SLC2A13: variants seen among roughly 807,000 people sequenced by gnomAD.
SLC2A13 encodes solute carrier family 2 member 13.
A neutral mutation model predicts 64.4 loss-of-function variants in SLC2A13; 32 were observed. The ratio of observed to expected loss-of-function variants is 0.50; its 90% CI spans 0.37 to 0.67. SLC2A13 has a LOEUF of 0.67. Ranked by LOEUF, SLC2A13 falls within the 30% of genes least tolerant of loss-of-function variation. The pLI is 0.00. For missense variants in SLC2A13, 743 were observed against 829.2 expected, an observed-to-expected ratio of 0.90 and a Z score of 1.28; for synonymous variants, 338 against 327.1, an observed-to-expected ratio of 1.03 and a Z score of -0.36.
intron 5 of SLC2A13, among the ~76,000 whole-genome samples, chr12:39,868,534 G>A (rs1374140475): frequency 6.6e-6 from 1 of 152,156 alleles, no homozygotes; most frequent in Non-Finnish European, 1.5e-5. Context: ...TAGTTTAGTA[G>A]ATCTGGGTTA....
chr12:40,068,455 C>T (rs1937822447), intron 1 of SLC2A13: 1 of 244,332 alleles, frequency 4.1e-6, no homozygotes, highest in Non-Finnish European at 8.3e-6. Context: ...GTGAGGATGA[C>T]CAATTTTGCT....
At chr12:39,901,815 C>T (rs1232174110) in intron 4 of SLC2A13, among the ~76,000 whole-genome samples, 9 of 141,344 alleles carry the variant, frequency 6.4e-5, no homozygotes, top group Middle Eastern at 3.5e-3. Flanking sequence ...CTAGAAATAC[C>T]ATTTGACCCA....
At chr12:40,085,280 C>A (rs995198562) in intron 1 of SLC2A13, among the ~76,000 whole-genome samples, 5 of 152,164 alleles carry the variant, frequency 3.3e-5, no homozygotes, top group Admixed American at 6.5e-5. Context: ...CTGTGAACCA[C>A]CCTAGAAAAT....
chr12:39,841,168 A>G (rs998667980), intron 6 of SLC2A13, among the ~76,000 whole-genome samples: 1 of 152,172 alleles, frequency 6.6e-6, no homozygotes, highest in Admixed American at 6.6e-5. Flanking sequence ...AGTGAGGTCT[A>G]CTGTTTAAAA....
intron 3 of SLC2A13, among the ~76,000 whole-genome samples, chr12:39,962,588 GGACA>G (rs1946434175): frequency 6.6e-6 from 1 of 152,180 alleles, no homozygotes; most frequent in Non-Finnish European, 1.5e-5. Context: ...TTAAATGAAA[GGACA>G]GACACACTTG....
intron 6 of SLC2A13, among the ~76,000 whole-genome samples, chr12:39,851,841 CCT>C (rs1350998842): frequency 6.6e-6 from 1 of 152,056 alleles, no homozygotes; most frequent in African/African-American, 2.4e-5. Context: ...CATCTATTTC[CCT>C]GTGTCAAGAA....
At chr12:40,036,915 T>C (rs1947996877) in intron 2 of SLC2A13, among the ~76,000 whole-genome samples, 1 of 152,226 alleles carries the variant, frequency 6.6e-6, no homozygotes, top group South Asian at 2.1e-4. Flanking sequence ...GTGGATGTCA[T>C]CTTCTACTCT....
At chr12:39,852,163 G>A (rs1943486708) in intron 6 of SLC2A13, among the ~76,000 whole-genome samples, 1 of 152,134 alleles carries the variant, frequency 6.6e-6, no homozygotes, top group South Asian at 2.1e-4. Context: ...TAACTAGCAT[G>A]GTAAATAACA....
chr12:39,880,328 C>A (rs1301111494), intron 4 of SLC2A13, among the ~76,000 whole-genome samples: 1 of 152,136 alleles, frequency 6.6e-6, no homozygotes, highest in Non-Finnish European at 1.5e-5. Context: ...ACTCAAGATA[C>A]AAACATCTTA....
At chr12:39,922,916 C>T (rs1322919385) in intron 4 of SLC2A13, among the ~76,000 whole-genome samples, 2 of 152,166 alleles carry the variant, frequency 1.3e-5, no homozygotes, top group Non-Finnish European at 2.9e-5. Flanking sequence ...AATACTGCCT[C>T]TATTTTAAAT....
At chr12:39,952,218 G>C (rs1003929641) in intron 3 of SLC2A13, among the ~76,000 whole-genome samples, 1 of 152,110 alleles carries the variant, frequency 6.6e-6, no homozygotes, top group African/African-American at 2.4e-5. Context: ...AGCCTCATAA[G>C]TGTTTCAGTT....
chr12:39,821,468 A>G (rs1378927597), intron 7 of SLC2A13, among the ~76,000 whole-genome samples: 1 of 152,116 alleles, frequency 6.6e-6, no homozygotes, highest in Non-Finnish European at 1.5e-5. Flanking sequence ...ATCTTGCTAT[A>G]TCAGTCAGAA....
intron 1 of SLC2A13, among the ~76,000 whole-genome samples, chr12:40,094,749 G>A (rs1938881141): frequency 6.6e-6 from 1 of 152,224 alleles, no homozygotes; most frequent in Non-Finnish European, 1.5e-5. Context: ...GAAAGATAAA[G>A]TGGGGCAGAA....
At chr12:40,002,610 CA>C (rs1182464642) in intron 3 of SLC2A13, among the ~76,000 whole-genome samples, 4 of 152,128 alleles carry the variant, frequency 2.6e-5, no homozygotes, top group Non-Finnish European at 5.9e-5. Context: ...TTTCATGCAG[CA>C]AAACTACTCA....
intron 4 of SLC2A13, among the ~76,000 whole-genome samples, chr12:39,935,159 G>A (rs1945897205): frequency 6.6e-6 from 1 of 152,206 alleles, no homozygotes; most frequent in Admixed American, 6.5e-5. Flanking sequence ...GAAGGCAGAG[G>A]TGGGAAGATA....
rs568832452 is a variant in SLC2A13, at chr12:39,784,204, C to T, written c.1446-19346G>A. ...CCATCAAGCTACCAATGACTTTCTT[C>T]ACAGAATTGGAAAAAACTACTTTAA... is the stretch of plus-strand genomic sequence containing the variant. On this transcript the variant is annotated intron_variant, in intron 7 of 9. Coordinates refer to ENST00000280871, the MANE Select transcript of SLC2A13 (RefSeq NM_052885.4). Among the ~76,000 whole-genome samples the T allele has an allele frequency of 3.1e-3, 471 of 152,262 alleles. 6 individuals carry two copies. Among genetic ancestry groups the T allele is most frequent in the African/African-American group, 0.011 (461 of 41,556 alleles).
At chr12:39,972,464 C>G (rs1946680611) in intron 3 of SLC2A13, among the ~76,000 whole-genome samples, 1 of 152,134 alleles carries the variant, frequency 6.6e-6, no homozygotes, top group Non-Finnish European at 1.5e-5. Context: ...CATCTTCCCA[C>G]CAAATCTGCA....
At chr12:39,966,579 T>G (rs1262364637) in intron 3 of SLC2A13, among the ~76,000 whole-genome samples, 1 of 152,150 alleles carries the variant, frequency 6.6e-6, no homozygotes, top group African/African-American at 2.4e-5. Context: ...CATTAGCACA[T>G]TCAGCAGACA....
At chr12:40,096,854 T>C (rs1565626130) in intron 1 of SLC2A13, among the ~76,000 whole-genome samples, 1 of 152,196 alleles carries the variant, frequency 6.6e-6, no homozygotes. Flanking sequence ...GAAAGTATCA[T>C]CTTGGGATTT....
Sources: gnomAD v4.1 joint callset for allele counts (sites outside exome capture counted in the v4.1 genomes callset) on GRCh38, gnomAD v4.1.1 for gene constraint, MANE v1.5 for transcripts, NCBI Gene and HGNC (gene_info 2026-07-23, HGNC 2026-07-21) for gene names.